Variants in HTT observed in about 807,000 individuals in gnomAD.
HTT encodes the protein huntington disease protein.
A neutral mutation model predicts 362.3 loss-of-function variants in HTT; 104 were observed. That is an observed-to-expected ratio of 0.29 (90% confidence interval 0.24 to 0.34). The LOEUF (loss-of-function observed/expected upper bound fraction) is 0.34. HTT is among the 10% of genes least tolerant of loss of function. The pLI is 1.00. For missense variants in HTT, 3,301 were observed against 3,928.6 expected, an observed-to-expected ratio of 0.84 and a Z score of 4.27; for synonymous variants, 1,577 against 1,548.7, an observed-to-expected ratio of 1.02 and a Z score of -0.43.
chr4:3,080,324 A>C (rs1712824615), intron 1 of HTT, among the ~76,000 whole-genome samples: 1 of 151,320 alleles, frequency 6.6e-6, no homozygotes, highest in African/African-American at 2.4e-5. Flanking sequence ...CGAACTTCTG[A>C]CCTCAGGTGA....
At chr4:3,147,037 A>G in intron 25 of HTT, 89 bp downstream of exon 25, 1 of 1,279,004 alleles carries the variant, frequency 7.8e-7, no homozygotes, top group Non-Finnish European at 1.1e-6. Context: ...TGAGGGGAAA[A>G]TACTATAAGG....
At position 3,127,514 on chromosome 4, in the gene HTT, G is replaced by T. The variant is rs1379888798; in HGVS notation, c.1653G>T (p.Gly551=). The change falls in exon 12 of 67, where the codon GGG becomes GGT. Residue 551 remains glycine, a synonymous_variant. Transcript: ENST00000355072. Reference sequence around the variant, plus strand: ...ACCCTGCCATGGACCTGAATGATGGGACCCAGGCCTCGTCGCCCATCAGCG... The same window carrying T: ...ACCCTGCCATGGACCTGAATGATGGTACCCAGGCCTCGTCGCCCATCAGCG... ...PSDPAMDLND[G]TQASSPISDS... is the part of the protein sequence containing the mutation. 6.2e-7 allele frequency: 1 copy of T among 1,614,098 alleles called. No homozygotes were observed. Among genetic ancestry groups the T allele is most frequent in the African/African-American group, 1.3e-5 (1 of 74,934 alleles).
chr4:3,208,645 A>C, intron 45 of HTT, 128 bp from the exon 46 acceptor site: 1 of 818,282 alleles, frequency 1.2e-6, no homozygotes, highest in Admixed American at 3.4e-5. Flanking sequence ...ATTTTCCTTT[A>C]AGAAGCCACT....
rs772294950 is a variant in HTT at position 3,208,863 on chromosome 4, G to T, written c.6243G>T (p.Pro2081=). 6.2e-7 allele frequency: 1 copy of T among 1,613,782 alleles called. No individual in the cohort carries two copies. The highest frequency in any genetic ancestry group is 1.3e-5 in the African/African-American group (1 of 74,898). ...CCTCTCCTCCAGTCTCTTCCCACCCGCTGGACGGGGATGGGCACGTGTCAC... is the reference window on the plus strand; with the variant it reads ...CCTCTCCTCCAGTCTCTTCCCACCCTCTGGACGGGGATGGGCACGTGTCAC... ...LSPSPPVSSH[P]LDGDGHVSLE... The change falls in exon 46 of 67, where the codon CCG becomes CCT. Residue 2081 remains proline (P), a synonymous_variant. Transcript: ENST00000355072.
In HTT at chr4:3,235,020, G is replaced by A. The variant is rs559074927; in HGVS notation, c.8457-264G>A. Among the ~76,000 whole-genome samples the A allele has an allele frequency of 2.6e-5, 4 of 152,280 alleles. No individual in the cohort carries two copies. In the East Asian group the frequency reaches 7.7e-4, roughly 29 times the overall value. On this transcript the variant is annotated intron_variant, in intron 61 of 66. Transcript: ENST00000355072. ...GAGGAAGTGTGTGGTGGCCAGCATG[G>A]AGGTGGCCACAGGGGAGGCTGAGTT...
At chr4:3,174,920 T>A in intron 32 of HTT, 26 bp from the exon 33 acceptor site, 1 of 1,552,518 alleles carries the variant, frequency 6.4e-7, no homozygotes, top group Non-Finnish European at 8.8e-7. Context: ...TTATGGATTC[T>A]TTCTTTCTTT....
intron 61 of HTT, among the ~76,000 whole-genome samples, chr4:3,234,286 C>T (rs1279642508): frequency 2.0e-5 from 3 of 152,236 alleles, no homozygotes; most frequent in Non-Finnish European, 2.9e-5. Context: ...CCATTGCCCT[C>T]ATCCAGGCCA....
intron 41 of HTT, among the ~76,000 whole-genome samples, chr4:3,201,256 T>A (rs981982189): frequency 1.2e-4 from 18 of 152,156 alleles, no homozygotes; most frequent in African/African-American, 4.3e-4. Flanking sequence ...AGGCTGGGCG[T>A]GGTGGCTCAT....
At position 3,206,836 on chromosome 4, in the gene HTT, C is replaced by T; in HGVS notation, c.5928C>T (p.Cys1976=). 3 of 1,609,890 alleles carry T rather than the reference C, an allele frequency of 1.9e-6. No individual in the cohort carries two copies. In the South Asian group the frequency reaches 3.3e-5, roughly 18 times the overall value. ...TPTMLKKTLQ[C]LEGIHLSQSG... is the part of the protein sequence containing the mutation. ...CCATGCTGAAGAAAACTCTTCAGTG[C>T]TTGGAGGGGATCCATCTCAGCCAGT... Residue 1976 remains cysteine (C), a synonymous_variant, in exon 44 of 67, where the codon TGC becomes TGT. Coordinates refer to ENST00000355072, the MANE Select transcript of HTT (RefSeq NM_001388492.1). The surrounding 1 kb of genome is among the most constrained non-coding windows in gnomAD (Gnocchi z 4.6).
At position 3,215,319 on chromosome 4, in the gene HTT, A is replaced by T. The variant is rs182363161; in HGVS notation, c.7054+108A>T. ...GTGTGGACTCCTGGAAGCGCACCGT[A>T]GCTCCGCTGTGTCCTGCTGCTCCTC... On this transcript the variant is annotated intron_variant, in intron 51 of 66. Coordinates refer to ENST00000355072, the MANE Select transcript of HTT (RefSeq NM_001388492.1). 2,312 of 730,112 alleles carry T rather than the reference A, an allele frequency of 3.2e-3. 10 individuals carry two copies. The highest frequency in any genetic ancestry group is 4.7e-3 in the Non-Finnish European group (2,006 of 430,464). 45.2% of individuals were successfully genotyped at this position (730,112 alleles called of 1,614,324 possible). A position where few individuals can be genotyped will look rare whatever the true frequency, so the allele number is the denominator to read the frequency against.
intron 40 of HTT, among the ~76,000 whole-genome samples, chr4:3,194,537 C>G (rs1719158939): frequency 6.6e-6 from 1 of 152,222 alleles, no homozygotes; most frequent in South Asian, 2.1e-4. Context: ...CACGGCCTTC[C>G]AGCTTTGCTC....
intron 49 of HTT, 93 bp downstream of exon 49, chr4:3,212,802 A>C: frequency 7.6e-7 from 1 of 1,311,174 alleles, no homozygotes; most frequent in Admixed American, 1.8e-5. Context: ...GAAAAGCAAG[A>C]TCTCTGACCA....
rs534190900 is a variant in HTT, at chr4:3,180,874, G to A, written c.4749+223G>A. 32 of 297,396 alleles carry A rather than the reference G, an allele frequency of 1.1e-4. No homozygotes were observed. In the East Asian group the frequency reaches 1.3e-3, roughly 12 times the overall value. The allele number at this position is 297,396 out of a possible 1,614,324, so 18.4% of individuals were successfully genotyped here. A position where few individuals can be genotyped will look rare whatever the true frequency, so the allele number is the denominator to read the frequency against. On this transcript the variant is annotated intron_variant, in intron 36 of 66. Coordinates refer to ENST00000355072, the MANE Select transcript of HTT (RefSeq NM_001388492.1). ...TGCAGTGGCAGGAGGTGTTGTTGGTGTGTATCCTTTTTTTTTTTTTGAGAT... is the reference window on the plus strand; with the variant it reads ...TGCAGTGGCAGGAGGTGTTGTTGGTATGTATCCTTTTTTTTTTTTTGAGAT...
rs1207490115 is a variant in HTT at position 3,242,191 on chromosome 4, TG to T, written c.*2134del. On this transcript the variant is annotated 3_prime_UTR_variant, in exon 67 of 67. Transcript: ENST00000355072. ...TGAATGTAAAACAGAGCCATTCCCT[TG>T]GAATGCATATCGCTGGGCTCAACAT... is the stretch of plus-strand genomic sequence containing the variant. 2.0e-5 allele frequency: 3 copies of T among 152,212 alleles called. No individual in the cohort carries two copies. The highest frequency in any genetic ancestry group is 4.4e-5 in the Non-Finnish European group (3 of 68,054). The allele number at this position is 152,212 out of a possible 1,614,324, so 9.4% of individuals were successfully genotyped here.
chr4:3,215,556 A>C (rs1720358522), intron 51 of HTT, among the ~76,000 whole-genome samples: 1 of 152,250 alleles, frequency 6.6e-6, no homozygotes, highest in South Asian at 2.1e-4. Context: ...TTGTGTTCTC[A>C]GAAATTAATG....
chr4:3,122,890 T>A lies in HTT; in HGVS notation c.1275T>A (p.Ala425=), dbSNP rs370043648. ...TCTGTCACTTTCTGTGATTTGCAGC[T>A]GGAGGGGGTTCCTCATGCAGCCCTG... ...SRSGSIVELI[A]GGGSSCSPVL... is the part of the protein sequence containing the mutation. The change falls in exon 10 of 67, where the codon GCT becomes GCA. Residue 425 remains alanine, a splice_region_variant and synonymous_variant. Coordinates refer to ENST00000355072, the MANE Select transcript of HTT (RefSeq NM_001388492.1). 3 of 1,609,310 alleles carry A rather than the reference T, an allele frequency of 1.9e-6. No homozygotes were observed. In the African/African-American group the frequency reaches 4.0e-5, roughly 22 times the overall value.
chr4:3,229,051 C>G (rs1187068608), intron 59 of HTT, 42 bp downstream of exon 59: 3 of 1,584,736 alleles, frequency 1.9e-6, no homozygotes, highest in East Asian at 4.5e-5. Context: ...GCACGTGCCA[C>G]ACGCACCACA....
At chr4:3,109,491 C>A (rs1329958868) in intron 6 of HTT, among the ~76,000 whole-genome samples, 1 of 152,186 alleles carries the variant, frequency 6.6e-6, no homozygotes, top group Non-Finnish European at 1.5e-5. Context: ...TCCCAAAGTG[C>A]TGGGATTACA....
chr4:3,172,226 A>G, intron 29 of HTT, 94 bp from the exon 30 acceptor site: 1 of 787,248 alleles, frequency 1.3e-6, no homozygotes, highest in Non-Finnish European at 2.3e-6. Flanking sequence ...CACAATTTAA[A>G]TGGAAGTTAT....
Sources: allele counts gnomAD v4.1 joint callset (sites outside exome capture counted in the v4.1 genomes callset), GRCh38; gene constraint gnomAD v4.1.1; non-coding constraint Gnocchi (gnomAD v3.1); transcripts MANE v1.5; gene names NCBI Gene and HGNC (gene_info 2026-07-23, HGNC 2026-07-21).